Variants in POGZ observed in about 807,000 individuals in gnomAD.
POGZ encodes the protein pogo transposable element with ZNF domain.
POGZ carries 17 observed loss-of-function variants against 134.6 expected under a neutral mutation model. The observed-to-expected ratio is 0.13, with a 90% CI of 0.09 to 0.19. The LOEUF (loss-of-function observed/expected upper bound fraction) is 0.19. Ranked by LOEUF, POGZ falls within the 10% of genes least tolerant of loss-of-function variation. The pLI, the probability that POGZ is intolerant of heterozygous loss-of-function variation, is 1.00. For synonymous variants in POGZ, 693 were observed against 657.1 expected (o/e 1.05, Z -0.84); for missense variants, 1,306 against 1,769.7 (o/e 0.74, Z 4.70).
rs1051046888 is a variant in POGZ, at chr1:151,413,800, C to A, written c.1679-1404G>T. Reference sequence around the variant, plus strand: ...GCTCAAGCAATCCTCCCATCTCAGCCTCCCAAAGTACCAGAATTACAGGTA... The same window carrying A: ...GCTCAAGCAATCCTCCCATCTCAGCATCCCAAAGTACCAGAATTACAGGTA... On this transcript the variant is annotated intron_variant, in intron 10 of 18. Coordinates refer to ENST00000271715, the MANE Select transcript of POGZ (RefSeq NM_015100.4). 2.0e-5 allele frequency among the ~76,000 whole-genome samples: 3 copies of A among 152,076 alleles called. No homozygotes were observed. The South Asian group carries it at 6.2e-4, about 32-fold the overall frequency.
intron 12 of POGZ, among the ~76,000 whole-genome samples, chr1:151,409,887 C>T (rs1381470943): frequency 6.6e-6 from 1 of 152,182 alleles, no homozygotes; most frequent in African/African-American, 2.4e-5. Context: ...AAAAATAGAA[C>T]CCATGTCTAT....
Position 151,408,025 on chromosome 1 carries a change from AAAAAAAGAAG to A in POGZ, c.2375+65_2375+74del. On this transcript the variant is annotated intron_variant, in intron 15 of 18. Transcript: ENST00000271715. ...AGACCCTGTCTTCAAAAAAAAAAAAAAAAAAAGAAGAAGAAGAAGAAGAAAAAAAGAATCT... is the reference window on the plus strand; with the variant it reads ...AGACCCTGTCTTCAAAAAAAAAAAAAAAGAAGAAGAAGAAAAAAAGAATCT... 1.3e-5 allele frequency: 13 copies of A among 1,003,878 alleles called. No homozygotes were observed. In the East Asian group the frequency reaches 1.8e-4, roughly 14 times the overall value. 62.2% of individuals were successfully genotyped at this position (1,003,878 alleles called of 1,614,324 possible).
intron 1 of POGZ, chr1:151,455,269 G>A (rs76024740): frequency 3.3e-5 from 5 of 152,134 alleles, no homozygotes; most frequent in Non-Finnish European, 7.3e-5. Context: ...TTACAGATAA[G>A]GTCAAAACAG....
intron 1 of POGZ, among the ~76,000 whole-genome samples, chr1:151,458,834 C>CGCCGGGGGGCGGGG: frequency 6.9e-6 from 1 of 145,440 alleles, no homozygotes; most frequent in Non-Finnish European, 1.5e-5. Context: ...CCGCGGCGGG[C>CGCCGGGGGGCGGGG]GCCGGGGGGC....
rs1378681533 is a variant in POGZ, at chr1:151,428,316, G to A, written c.666C>T (p.Pro222=). 1 of 1,613,982 alleles carries A rather than the reference G, an allele frequency of 6.2e-7. No homozygotes were observed. The part of the protein sequence containing the change: ...VRPGSTMPVR[P]TTNTFTTVIP... ...TGACGGTGGTGAAGGTGTTGGTGGT[G>A]GGCCTCACAGGCATTGTGGAGCCTG... Residue 222 remains proline (P), a synonymous_variant, in exon 6 of 19, where the codon CCC becomes CCT. Coordinates refer to ENST00000271715, the MANE Select transcript of POGZ (RefSeq NM_015100.4).
At chr1:151,429,545 AT>A (rs1658356720) in intron 5 of POGZ, 57 bp downstream of exon 5, 1 of 865,360 alleles carries the variant, frequency 1.2e-6, no homozygotes, top group Admixed American at 1.9e-5. Context: ...ATTTAGAACA[AT>A]AAAAACAAAT....
In POGZ at chr1:151,450,167, G is replaced by A. The variant is rs537210188; in HGVS notation, c.-1-7962C>T. Reference sequence around the variant, plus strand: ...CTGTTTCAGTCTCCCAAGTAGCTGGGACTACAGGTGCCCACCACCACGGCT... The same window carrying A: ...CTGTTTCAGTCTCCCAAGTAGCTGGAACTACAGGTGCCCACCACCACGGCT... On this transcript the variant is annotated intron_variant, in intron 1 of 18. Coordinates refer to ENST00000271715, the MANE Select transcript of POGZ (RefSeq NM_015100.4). 4.0e-5 allele frequency among the ~76,000 whole-genome samples: 6 copies of A among 151,628 alleles called. No homozygotes were observed. The East Asian group carries it at 9.8e-4, about 25-fold the overall frequency.
At position 151,442,283 on chromosome 1, in the gene POGZ, T is replaced by C. The variant is rs531733144; in HGVS notation, c.-1-78A>G. Reference sequence around the variant, plus strand: ...TTTATACCAAATATGAAATCAGAACTTTGACTCCATTGGTAACCTACCTCC... The same window carrying C: ...TTTATACCAAATATGAAATCAGAACCTTGACTCCATTGGTAACCTACCTCC... On this transcript the variant is annotated intron_variant, in intron 1 of 18. Coordinates refer to ENST00000271715, the MANE Select transcript of POGZ (RefSeq NM_015100.4). 24 of 1,296,742 alleles carry C rather than the reference T, an allele frequency of 1.9e-5. No individual in the cohort carries two copies. The East Asian group carries it at 5.8e-4, about 31-fold the overall frequency. 80.3% of individuals were successfully genotyped at this position (1,296,742 alleles called of 1,614,324 possible).
intron 10 of POGZ, among the ~76,000 whole-genome samples, chr1:151,413,494 T>C (rs1655056946): frequency 6.6e-6 from 1 of 152,090 alleles, no homozygotes; most frequent in African/African-American, 2.4e-5. Flanking sequence ...AGAGAGATTA[T>C]TTACATTTTT....
chr1:151,452,739 C>T (rs1662283679), intron 1 of POGZ, among the ~76,000 whole-genome samples: 1 of 151,766 alleles, frequency 6.6e-6, no homozygotes, highest in Non-Finnish European at 1.5e-5. Flanking sequence ...TGGCTGGTGC[C>T]TGCAGTCCCA....
At chr1:151,453,761 G>A (rs183832916) in intron 1 of POGZ, among the ~76,000 whole-genome samples, 4 of 152,242 alleles carry the variant, frequency 2.6e-5, no homozygotes, top group African/African-American at 9.6e-5. Flanking sequence ...TCTCCTGGAG[G>A]GAAGGGGACT....
chr1:151,443,706 G>A (rs987612671), intron 1 of POGZ, among the ~76,000 whole-genome samples: 2 of 152,030 alleles, frequency 1.3e-5, no homozygotes, highest in African/African-American at 2.4e-5. Flanking sequence ...AACAGCGAAA[G>A]TCCATCTCAA....
At chr1:151,435,393 A>G (rs1659405934) in intron 3 of POGZ, among the ~76,000 whole-genome samples, 1 of 152,206 alleles carries the variant, frequency 6.6e-6, no homozygotes, top group African/African-American at 2.4e-5. Flanking sequence ...CAAACATAAG[A>G]TGAGTCAGAA....
chr1:151,454,052 TTTGTC>T (rs1662475547), intron 1 of POGZ, among the ~76,000 whole-genome samples: 2 of 152,212 alleles, frequency 1.3e-5, no homozygotes, highest in African/African-American at 4.8e-5. Flanking sequence ...TCTGAATTCC[TTTGTC>T]TTGTTCTTTC....
At chr1:151,450,054 C>T (rs1463547899) in intron 1 of POGZ, among the ~76,000 whole-genome samples, 1 of 87,148 alleles carries the variant, frequency 1.1e-5, no homozygotes, top group African/African-American at 4.3e-5. Flanking sequence ...TTTTTTGAGA[C>T]GGAGTCTTGC....
intron 1 of POGZ, among the ~76,000 whole-genome samples, chr1:151,457,053 T>C (rs1034429513): frequency 2.6e-5 from 4 of 152,152 alleles, no homozygotes; most frequent in Admixed American, 1.3e-4. Context: ...ATTTTGAAAA[T>C]AGTTATGACC....
chr1:151,427,825 T>G lies in POGZ; in HGVS notation c.1076A>C (p.Lys359Thr). The change falls in exon 7 of 19, where the codon AAA becomes ACA. Residue 359 changes from lysine to threonine, a missense_variant and splice_region_variant. Coordinates refer to ENST00000271715, the MANE Select transcript of POGZ (RefSeq NM_015100.4). ...QRTSGPESSM[K>T]VTSSIPVFDL... ...CAGAGTCTTTCAGGTTATTGTACCT[T>G]TCATTGAAGACTCAGGTCCGCTGGT... 6.2e-7 allele frequency: 1 copy of G among 1,603,802 alleles called. No homozygotes were observed. Among genetic ancestry groups the G allele is most frequent in the Non-Finnish European group, 8.5e-7 (1 of 1,170,716 alleles).
rs776701219 is a variant in POGZ, at chr1:151,408,845, A to G, written c.1927-17T>C. 8.9e-5 allele frequency: 12 copies of G among 134,158 alleles called. No homozygotes were observed. Among genetic ancestry groups the G allele is most frequent in the Non-Finnish European group, 2.6e-4 (10 of 38,708 alleles). 8.3% of individuals were successfully genotyped at this position (134,158 alleles called of 1,614,324 possible). On this transcript the variant is annotated splice_polypyrimidine_tract_variant and intron_variant, in intron 12 of 18. Transcript: ENST00000271715. ...ATTTCTCTTCTGAAGTGGGGGAGGG[A>G]AAAAAAGAGACAAAATCCCTTAAAG... is the stretch of plus-strand genomic sequence containing the variant.
intron 10 of POGZ, among the ~76,000 whole-genome samples, chr1:151,417,173 C>T (rs1394143539): frequency 4.6e-5 from 7 of 151,388 alleles, no homozygotes; most frequent in Admixed American, 4.6e-4. Context: ...AAGTAATTCT[C>T]CTGCCTAAGC....
Sources: gnomAD v4.1 joint callset for allele counts (sites outside exome capture counted in the v4.1 genomes callset) on GRCh38, gnomAD v4.1.1 for gene constraint, MANE v1.5 for transcripts, NCBI Gene and HGNC (gene_info 2026-07-23, HGNC 2026-07-21) for gene names.